JMY: variants seen among roughly 807,000 people sequenced by gnomAD.
JMY encodes the protein junction mediating and regulatory protein, p53 cofactor.
A neutral mutation model predicts 103.3 loss-of-function variants in JMY; 46 were observed. The observed-to-expected ratio is 0.45, with a 90% CI of 0.35 to 0.57. JMY has a LOEUF of 0.57. JMY is among the 20% of genes least tolerant of loss of function. The pLI, the probability that JMY is intolerant of heterozygous loss-of-function variation, is 0.00. For synonymous variants in JMY, 526 were observed against 489.3 expected, an observed-to-expected ratio of 1.07 and a Z score of -0.99; for missense variants, 1,238 against 1,255.2, an observed-to-expected ratio of 0.99 and a Z score of 0.21.
intron 1 of JMY, among the ~76,000 whole-genome samples, chr5:79,275,017 A>G (rs1745896999): frequency 3.9e-5 from 6 of 152,182 alleles, no homozygotes; most frequent in Admixed American, 3.9e-4. Flanking sequence ...TAGAGTTTAT[A>G]TATGAATTTG....
intron 9 of JMY, 91 bp from the exon 10 acceptor site, chr5:79,315,909 C>T (rs1038140183): frequency 2.0e-5 from 21 of 1,075,418 alleles, no homozygotes; most frequent in South Asian, 7.5e-5. Context: ...GCGTCCTGTG[C>T]TTTCACAGTT....
At position 79,291,303 on chromosome 5, in the gene JMY, A is replaced by T; in HGVS notation, c.1527+4A>T. On this transcript the variant is annotated splice_donor_region_variant and intron_variant, in intron 4 of 10. Transcript: ENST00000396137. The stretch of plus-strand genomic sequence containing the variant: ...GAAACATGCACTAAAGGAAGAGGTA[A>T]CAAAAATCATCAGAAATATAAAATC... The T allele has an allele frequency of 1.3e-6, 2 of 1,535,978 alleles. No homozygotes were observed. The highest frequency in any genetic ancestry group is 1.8e-6 in the Non-Finnish European group (2 of 1,142,680).
intron 2 of JMY, among the ~76,000 whole-genome samples, chr5:79,281,470 TCAAA>T (rs1195206855): frequency 4.5e-4 from 66 of 146,676 alleles, no homozygotes; most frequent in Non-Finnish European, 9.0e-5. Flanking sequence ...ACTAGGCCAA[TCAAA>T]CAGATTTTTC....
chr5:79,265,310 A>G (rs1233017351), intron 1 of JMY, among the ~76,000 whole-genome samples: 1 of 152,230 alleles, frequency 6.6e-6, no homozygotes, highest in Non-Finnish European at 1.5e-5. Flanking sequence ...ATAACTTCAG[A>G]GATACTTGCC....
intron 3 of JMY, among the ~76,000 whole-genome samples, chr5:79,290,754 G>A (rs1305637176): frequency 1.3e-5 from 2 of 152,138 alleles, no homozygotes; most frequent in Non-Finnish European, 2.9e-5. Context: ...TTGGGAGGCC[G>A]AGGCAGGTGG....
intron 1 of JMY, among the ~76,000 whole-genome samples, chr5:79,260,416 G>C (rs993495835): frequency 2.0e-5 from 3 of 152,220 alleles, no homozygotes; most frequent in African/African-American, 7.2e-5. Flanking sequence ...AGCCAGTCTA[G>C]ATGGCCCGCC....
intron 2 of JMY, among the ~76,000 whole-genome samples, chr5:79,287,980 C>CT (rs1746315780): frequency 6.6e-6 from 1 of 152,148 alleles, no homozygotes; most frequent in African/African-American, 2.4e-5. Context: ...TAATTGTATG[C>CT]TTTTAAACCT....
At position 79,237,421 on chromosome 5, in the gene JMY, G is replaced by C. The variant is rs1744558411; in HGVS notation, c.771G>C (p.Pro257=). Residue 257 remains proline, a synonymous_variant, in exon 1 of 11, where the codon CCG becomes CCC. Coordinates refer to ENST00000396137, the MANE Select transcript of JMY (RefSeq NM_152405.5). Reference sequence around the variant, plus strand: ...ACTCGCAGTTGGAGCCGTGCCTGCCGGTGTTCCCCGAGGAACCTTCGGGCA... The same window carrying C: ...ACTCGCAGTTGGAGCCGTGCCTGCCCGTGTTCCCCGAGGAACCTTCGGGCA... ...SVNSQLEPCL[P]VFPEEPSGMW... 1 of 1,613,744 alleles carries C rather than the reference G, an allele frequency of 6.2e-7. No homozygotes were observed. Among genetic ancestry groups the C allele is most frequent in the African/African-American group, 1.3e-5 (1 of 75,032 alleles).
intron 1 of JMY, among the ~76,000 whole-genome samples, chr5:79,246,357 G>A (rs906956952): frequency 4.6e-5 from 7 of 150,906 alleles, no homozygotes; most frequent in Non-Finnish European, 8.8e-5. Context: ...AACTGCAATA[G>A]TTAGTTAACC....
intron 7 of JMY, among the ~76,000 whole-genome samples, chr5:79,311,144 CCTT>C (rs1325558559): frequency 4.7e-5 from 6 of 128,088 alleles, no homozygotes; most frequent in Admixed American, 1.7e-4. Context: ...GCCTACCACA[CCTT>C]CTTTTTTTTT....
chr5:79,294,740 C>T (rs1014823436), intron 4 of JMY, among the ~76,000 whole-genome samples: 20 of 151,966 alleles, frequency 1.3e-4, no homozygotes, highest in African/African-American at 4.6e-4. Context: ...CACCTATAAT[C>T]CCAGCTACTC....
At position 79,325,241 on chromosome 5, in the gene JMY, A is replaced by G. The variant is rs540997494; in HGVS notation, c.*3639A>G. On this transcript the variant is annotated 3_prime_UTR_variant, in exon 11 of 11. Coordinates refer to ENST00000396137, the MANE Select transcript of JMY (RefSeq NM_152405.5). ...AAGGTTTTTGGGGTTTTCTTTTTTC[A>G]GCTTTATTATTGAAGTATTACAAAC... 1 of 152,238 alleles carries G rather than the reference A, an allele frequency of 6.6e-6. No homozygotes were observed. Among genetic ancestry groups the G allele is most frequent in the African/African-American group, 2.4e-5 (1 of 41,556 alleles). 9.4% of individuals were successfully genotyped at this position (152,238 alleles called of 1,614,324 possible). A position where few individuals can be genotyped will look rare whatever the true frequency, so the allele number is the denominator to read the frequency against.
chr5:79,240,663 G>C (rs1328761634), intron 1 of JMY, among the ~76,000 whole-genome samples: 1 of 152,168 alleles, frequency 6.6e-6, no homozygotes, highest in African/African-American at 2.4e-5. Flanking sequence ...CAGTAATAAT[G>C]CCTATCTTGA....
intron 1 of JMY, among the ~76,000 whole-genome samples, chr5:79,243,377 C>T (rs1436586635): frequency 6.6e-6 from 1 of 152,190 alleles, no homozygotes; most frequent in Non-Finnish European, 1.5e-5. Context: ...CTGTCTTTCA[C>T]TGGGCCAGCA....
chr5:79,270,597 T>C lies in JMY; in HGVS notation c.1033-7313T>C, dbSNP rs58024416. Among the ~76,000 whole-genome samples the C allele has an allele frequency of 1.3e-4, 3 of 22,380 alleles. 1 individual carries two copies. Among genetic ancestry groups the C allele is most frequent in the South Asian group, 1.6e-3 (2 of 1,240 alleles). The allele number at this position is 22,380 out of a possible 152,430, so 14.7% of individuals were successfully genotyped here. On this transcript the variant is annotated intron_variant, in intron 1 of 10. Transcript: ENST00000396137. ...TGTATATTTACATAAATATTTAAAATGTATATTTACATAAATGTTTATATA... is the reference window on the plus strand; with the variant it reads ...TGTATATTTACATAAATATTTAAAACGTATATTTACATAAATGTTTATATA...
rs1747638048 is a variant in JMY, at chr5:79,326,186, T to C, written c.*4584T>C. ...CGGGTTAGGGGAAAGTTTTGTTTTT[T>C]GCTGGTGTTTTTTGTTGTTTTTAAT... On this transcript the variant is annotated 3_prime_UTR_variant, in exon 11 of 11. Transcript: ENST00000396137. 1 of 152,126 alleles carries C rather than the reference T, an allele frequency of 6.6e-6. No individual in the cohort carries two copies. The highest frequency in any genetic ancestry group is 1.5e-5 in the Non-Finnish European group (1 of 67,998). 9.4% of individuals were successfully genotyped at this position (152,126 alleles called of 1,614,324 possible).
At chr5:79,297,281 T>C (rs1424863518) in intron 4 of JMY, among the ~76,000 whole-genome samples, 5 of 152,186 alleles carry the variant, frequency 3.3e-5, no homozygotes, top group African/African-American at 1.2e-4. Context: ...CCTTTGAGTA[T>C]TTAAACTACT....
At position 79,290,133 on chromosome 5, in the gene JMY, A is replaced by G; in HGVS notation, c.1219A>G (p.Asn407Asp). Residue 407 changes from asparagine (N) to aspartate (D), a missense_variant, in exon 3 of 11, where the codon AAT (asparagine) becomes GAT (aspartate). Transcript: ENST00000396137. ...TTTCTCTCTGAAGATTTCCATGGAG[A>G]ATGATTATCTGGGACCTCGAAGAAT... ...RRQQIKISME[N>D]DYLGPRRIES... The G allele has an allele frequency of 1.3e-6, 2 of 1,576,398 alleles. No homozygotes were observed. Among genetic ancestry groups the G allele is most frequent in the African/African-American group, 1.4e-5 (1 of 73,260 alleles).
At chr5:79,313,963 A>G (rs901533219) in intron 8 of JMY, among the ~76,000 whole-genome samples, 20 of 152,144 alleles carry the variant, frequency 1.3e-4, no homozygotes, top group Non-Finnish European at 1.8e-4. Context: ...GGTTCAAGCA[A>G]TTCTCCTGCC....
Sources: gnomAD v4.1 joint callset for allele counts (sites outside exome capture counted in the v4.1 genomes callset) on GRCh38, gnomAD v4.1.1 for gene constraint, MANE v1.5 for transcripts, NCBI Gene and HGNC (gene_info 2026-07-23, HGNC 2026-07-21) for gene names.